Variants in ZNF91 observed in about 807,000 individuals in gnomAD.
ZNF91 encodes zinc finger protein 91.
In ZNF91, 7 loss-of-function variants were observed where a neutral mutation model predicts 12.6. That is an observed-to-expected ratio of 0.55 (90% confidence interval 0.31 to 1.04). The LOEUF (loss-of-function observed/expected upper bound fraction) is 1.04. Among genes scored for constraint, ZNF91 ranks in the 50% least tolerant of loss-of-function variants. ZNF91 has a pLI of 0.05. For synonymous variants in ZNF91, 453 were observed against 462.6 expected, an observed-to-expected ratio of 0.98 and a Z score of 0.27; for missense variants, 1,217 against 1,385.4, an observed-to-expected ratio of 0.88 and a Z score of 1.93.
At chr19:23,366,023 C>G (rs1968994275) in intron 3 of ZNF91, among the ~76,000 whole-genome samples, 1 of 152,252 alleles carries the variant, frequency 6.6e-6, no homozygotes, top group South Asian at 2.1e-4. Flanking sequence ...CACCTTTCCC[C>G]CTCCTCTATT....
At chr19:23,336,472 G>A (rs1376582348), downstream of ZNF91, among the ~76,000 whole-genome samples, 1 of 152,156 alleles carries the variant, frequency 6.6e-6, no homozygotes, top group African/African-American at 2.4e-5. Context: ...TTATGCAAAT[G>A]GAGCACTTGC....
At chr19:23,378,878 T>A (rs1177270830) in intron 1 of ZNF91, among the ~76,000 whole-genome samples, 1 of 152,178 alleles carries the variant, frequency 6.6e-6, no homozygotes, top group Non-Finnish European at 1.5e-5. Flanking sequence ...TTGGAAGCAA[T>A]TAGTTTATTT....
chr19:23,361,546 G>C lies in ZNF91; in HGVS notation c.1433C>G (p.Thr478Ser). 1 of 1,613,286 alleles carries C rather than the reference G, an allele frequency of 6.2e-7. No homozygotes were observed. The highest frequency in any genetic ancestry group is 2.2e-5 in the East Asian group (1 of 44,784). ...TCCAGTGTGTATCCTCTTATGTCTA[G>C]TTAGGGTTGAAGACCATATAAATGC... is the stretch of plus-strand genomic sequence containing the variant. Reference protein sequence around the residue: ...GKAFIWSSTLTRHKRIHTGEK... With the variant: ...GKAFIWSSTLSRHKRIHTGEK... Residue 478 changes from threonine (T) to serine (S), a missense_variant, in exon 4 of 4, where the codon ACT becomes AGT. Around this residue, in one of 2 missense-constraint regions of ZNF91, gnomAD observed 726 missense variants for 895.5 expected, o/e 0.81. Coordinates refer to ENST00000300619, the MANE Select transcript of ZNF91 (RefSeq NM_003430.4).
chr19:23,306,021 A>G lies in ZNF91; in HGVS notation n.278-890T>C, dbSNP rs542944168. 5.3e-5 allele frequency among the ~76,000 whole-genome samples: 8 copies of G among 152,380 alleles called. No individual in the cohort carries two copies. The East Asian group carries it at 1.5e-3, about 29-fold the overall frequency. On this transcript the variant is annotated intron_variant and non_coding_transcript_variant, in intron 3 of 3. Transcript: ENST00000593292. ...GATACTGAAAAATGTCTTTGGAGGA[A>G]CAATTTTTGTGTACATATTTACATA...
chr19:23,394,452 C>A (rs1432443415), intron 1 of ZNF91, among the ~76,000 whole-genome samples: 1 of 152,086 alleles, frequency 6.6e-6, no homozygotes, highest in Non-Finnish European at 1.5e-5. Flanking sequence ...GAAACTAGGC[C>A]AGGTGCGGTG....
At chr19:23,351,462 G>A (rs1304270444) in intron 3 of ZNF91, among the ~76,000 whole-genome samples, 1 of 152,154 alleles carries the variant, frequency 6.6e-6, no homozygotes, top group Non-Finnish European at 1.5e-5. Flanking sequence ...AAATCGGGGA[G>A]AATTATTTTA....
chr19:23,385,120 G>A, intron 1 of ZNF91: 3 of 768,918 alleles, frequency 3.9e-6, no homozygotes, highest in East Asian at 2.5e-5. Flanking sequence ...ACAGTACCCC[G>A]AATGGCCAGC....
At position 23,369,977 on chromosome 19, in the gene ZNF91, C is replaced by T. The variant is rs62122171; in HGVS notation, c.253+3765G>A. 8.3e-5 allele frequency among the ~76,000 whole-genome samples: 12 copies of T among 144,298 alleles called. No homozygotes were observed. The East Asian group carries it at 9.9e-4, about 12-fold the overall frequency. 94.7% of individuals were successfully genotyped at this position (144,298 alleles called of 152,430 possible). A position where few individuals can be genotyped will look rare whatever the true frequency, so the allele number is the denominator to read the frequency against. The stretch of plus-strand genomic sequence containing the variant: ...TATGACCCTGCCAAATCCCCCTCTC[C>T]GAGAAACACCCAAGAATGATCAATA... On this transcript the variant is annotated intron_variant, in intron 3 of 3. Coordinates refer to ENST00000300619, the MANE Select transcript of ZNF91 (RefSeq NM_003430.4).
At chr19:23,336,840 G>A (rs537020033), downstream of ZNF91, among the ~76,000 whole-genome samples, 2 of 152,188 alleles carry the variant, frequency 1.3e-5, no homozygotes, top group Admixed American at 6.5e-5. Flanking sequence ...CGTGATCTCC[G>A]CCCACTGCAG....
Position 23,360,346 on chromosome 19 carries a change from T to G in ZNF91, c.2633A>C (p.Lys878Thr), listed in dbSNP as rs1422508342. 6 of 1,612,772 alleles carry G rather than the reference T, an allele frequency of 3.7e-6. No homozygotes were observed. Among genetic ancestry groups the G allele is most frequent in the South Asian group, 1.1e-5 (1 of 90,984 alleles). Reference sequence around the variant, plus strand: ...TTCTTCACTCTTGGAAGGTTTCTCTTTAGTATGAATTATCTTATGTGTCGT... The same window carrying G: ...TTCTTCACTCTTGGAAGGTTTCTCTGTAGTATGAATTATCTTATGTGTCGT... ...NLTTHKIIHT[K>T]EKPSKSEECD... is the part of the protein sequence containing the mutation. The change falls in exon 4 of 4, where the codon AAA (lysine) becomes ACA (threonine). Residue 878 changes from lysine to threonine, a missense_variant. Physicochemically the swap from Lys to Thr is moderately conservative, Grantham distance 78. This residue lies in a region of ZNF91 where 491 missense variants were observed against 489.8 expected (regional missense o/e 1.00). Transcript: ENST00000300619.
chr19:23,359,308 C>T lies in ZNF91; in HGVS notation c.*95G>A, dbSNP rs989293833. Reference sequence around the variant, plus strand: ...CGTGATCTCGGCTCACTGCAAGCTCCGCCTCCCGGGTTCACGCCATTCTCC... The same window carrying T: ...CGTGATCTCGGCTCACTGCAAGCTCTGCCTCCCGGGTTCACGCCATTCTCC... On this transcript the variant is annotated 3_prime_UTR_variant, in exon 4 of 4. Transcript: ENST00000300619. The T allele has an allele frequency of 4.2e-5, 23 of 546,958 alleles. No individual in the cohort carries two copies. The highest frequency in any genetic ancestry group is 4.9e-4 in the Middle Eastern group (1 of 2,046). 33.9% of individuals were successfully genotyped at this position (546,958 alleles called of 1,614,324 possible).
At chr19:23,341,696 G>T (rs1228192701) in intron 3 of ZNF91, among the ~76,000 whole-genome samples, 1 of 152,038 alleles carries the variant, frequency 6.6e-6, no homozygotes, top group African/African-American at 2.4e-5. Flanking sequence ...CTCGAAATCT[G>T]TTAGGATTGC....
At chr19:23,348,444 T>A (rs1353898024) in intron 3 of ZNF91, among the ~76,000 whole-genome samples, 1 of 152,234 alleles carries the variant, frequency 6.6e-6, no homozygotes, top group Non-Finnish European at 1.5e-5. Flanking sequence ...TGTGAAGATT[T>A]CATGGACATT....
At position 23,359,075 on chromosome 19, in the gene ZNF91, C is replaced by T; in HGVS notation, c.*328G>A. Reference sequence around the variant, plus strand: ...TGAATTTTCTTATGTCTGGTTAGGGCTGAGGACCAGAAAAAGGATTTGCCA... The same window carrying T: ...TGAATTTTCTTATGTCTGGTTAGGGTTGAGGACCAGAAAAAGGATTTGCCA... On this transcript the variant is annotated 3_prime_UTR_variant, in exon 4 of 4. Transcript: ENST00000300619. 1.8e-6 allele frequency: 1 copy of T among 555,606 alleles called. No individual in the cohort carries two copies. The highest frequency in any genetic ancestry group is 3.5e-6 in the Non-Finnish European group (1 of 289,354). 34.4% of individuals were successfully genotyped at this position (555,606 alleles called of 1,614,324 possible).
At chr19:23,372,119 G>A (rs992179673) in intron 3 of ZNF91, among the ~76,000 whole-genome samples, 5 of 151,906 alleles carry the variant, frequency 3.3e-5, no homozygotes, top group Middle Eastern at 3.4e-3. Flanking sequence ...CACACAACAT[G>A]TACATTCTAG....
intron 1 of ZNF91, among the ~76,000 whole-genome samples, chr19:23,389,962 G>C (rs1035101214): frequency 6.6e-6 from 1 of 152,120 alleles, no homozygotes; most frequent in African/African-American, 2.4e-5. Context: ...TTACTAATTT[G>C]TTAGAGCTAC....
intron 1 of ZNF91, among the ~76,000 whole-genome samples, chr19:23,323,257 CCT>C (rs922886006): frequency 6.1e-5 from 9 of 147,578 alleles, no homozygotes; most frequent in African/African-American, 2.0e-4. Context: ...CTCCTCTCCT[CCT>C]GTTCCTTTTC....
chr19:23,359,093 A>C lies in ZNF91; in HGVS notation c.*310T>G. 3.6e-6 allele frequency: 2 copies of C among 559,892 alleles called. No individual in the cohort carries two copies. Among genetic ancestry groups the C allele is most frequent in the Non-Finnish European group, 6.8e-6 (2 of 292,570 alleles). The allele number at this position is 559,892 out of a possible 1,614,324, so 34.7% of individuals were successfully genotyped here. On this transcript the variant is annotated 3_prime_UTR_variant, in exon 4 of 4. Transcript: ENST00000300619. Reference sequence around the variant, plus strand: ...GTTAGGGCTGAGGACCAGAAAAAGGATTTGCCACATTCTTCACATTTGTAG... The same window carrying C: ...GTTAGGGCTGAGGACCAGAAAAAGGCTTTGCCACATTCTTCACATTTGTAG...
Position 23,360,891 on chromosome 19 carries a change from C to T in ZNF91, c.2088G>A (p.Lys696=). The part of the protein sequence containing the change: ...YKCKECDKTF[K]RLSTLTKHKI... ...TATGTTTAGTAAGGGTTGAGAGTCG[C>T]TTAAAAGTTTTGTCACATTCTTTAC... Residue 696 remains lysine (K), a synonymous_variant, in exon 4 of 4, where the codon AAG becomes AAA. Coordinates refer to ENST00000300619, the MANE Select transcript of ZNF91 (RefSeq NM_003430.4). The T allele has an allele frequency of 6.2e-7, 1 of 1,613,008 alleles. No individual in the cohort carries two copies. The highest frequency in any genetic ancestry group is 8.5e-7 in the Non-Finnish European group (1 of 1,179,722).
Sources: allele counts gnomAD v4.1 joint callset (sites outside exome capture counted in the v4.1 genomes callset), GRCh38; gene constraint gnomAD v4.1.1; regional missense constraint gnomAD v4.1.1; transcripts MANE v1.5; gene names NCBI Gene and HGNC (gene_info 2026-07-23, HGNC 2026-07-21).